ZNF655: variants seen among roughly 807,000 people sequenced by gnomAD.
ZNF655 encodes Vav-interacting Kruppel-like protein 1.
Under a neutral mutation model 6.6 loss-of-function variants are expected in ZNF655, and 3 were observed. The ratio of observed to expected loss-of-function variants is 0.46; its 90% CI spans 0.21 to 1.18. The LOEUF (loss-of-function observed/expected upper bound fraction) is 1.18. Ranked by LOEUF, ZNF655 falls within the 50% of genes most tolerant of loss-of-function variation. The pLI is 0.24. For synonymous variants in ZNF655, 178 were observed against 195.0 expected (o/e 0.91, Z 0.73); for missense variants, 526 against 572.3 (o/e 0.92, Z 0.83).
chr7:99,571,279 G>A (rs1459437362), intron 2 of ZNF655: 3 of 1,289,300 alleles, frequency 2.3e-6, no homozygotes, highest in Non-Finnish European at 3.0e-6. Context: ...CCATGCAGCA[G>A]GTGCTTGAGT....
chr7:99,564,381 C>T (rs996682633), intron 2 of ZNF655: 1 of 1,059,872 alleles, frequency 9.4e-7, no homozygotes, highest in Non-Finnish European at 1.1e-6. Context: ...GCCTAACTCT[C>T]CTGTGAACCC....
intron 1 of ZNF655, among the ~76,000 whole-genome samples, chr7:99,560,167 G>A (rs1803004347): frequency 6.7e-6 from 1 of 149,208 alleles, no homozygotes; most frequent in South Asian, 2.1e-4. Flanking sequence ...TCACTGCCAC[G>A]TATGCCTTCT....
chr7:99,565,403 T>C (rs763993067), intron 2 of ZNF655, among the ~76,000 whole-genome samples: 5 of 152,158 alleles, frequency 3.3e-5, no homozygotes, highest in Non-Finnish European at 7.4e-5. Context: ...TCTCCTGACC[T>C]CGTGATCCGC....
chr7:99,561,409 G>T (rs1385555402), intron 2 of ZNF655, among the ~76,000 whole-genome samples: 1 of 152,184 alleles, frequency 6.6e-6, no homozygotes, highest in Non-Finnish European at 1.5e-5. Context: ...CTGTGGAAAA[G>T]ATTTCGAGGA....
intron 1 of ZNF655, among the ~76,000 whole-genome samples, chr7:99,559,777 G>C (rs1340195020): frequency 1.3e-5 from 2 of 150,374 alleles, no homozygotes; most frequent in African/African-American, 4.9e-5. Flanking sequence ...ACAGGCCTGG[G>C]CCACCTAATT....
rs113457569 is a variant in ZNF655 at position 99,564,384 on chromosome 7, G to C, written c.136+3689G>C. 2.2e-5 allele frequency: 23 copies of C among 1,057,114 alleles called. No homozygotes were observed. The African/African-American group carries it at 2.4e-4, about 11-fold the overall frequency. 65.5% of individuals were successfully genotyped at this position (1,057,114 alleles called of 1,614,324 possible). On this transcript the variant is annotated intron_variant, in intron 2 of 2. Transcript: ENST00000252713. ...GCCCCGTATGGTGCCTAACTCTCCTGTGAACCCTGGGCTTCCCTCATGTTT... is the reference window on the plus strand; with the variant it reads ...GCCCCGTATGGTGCCTAACTCTCCTCTGAACCCTGGGCTTCCCTCATGTTT...
chr7:99,571,465 CCTT>C, intron 2 of ZNF655: 3 of 1,271,366 alleles, frequency 2.4e-6, no homozygotes, highest in Non-Finnish European at 3.0e-6. Context: ...TTAAATGAAT[CCTT>C]CTGCTCCCAA....
intron 2 of ZNF655, chr7:99,571,269 C>T: frequency 7.8e-7 from 1 of 1,289,354 alleles, no homozygotes; most frequent in African/African-American, 1.5e-5. Context: ...GGTTAGCTAA[C>T]CATGCAGCAG....
At chr7:99,564,492 T>G (rs1404514880) in intron 2 of ZNF655, 4 of 987,674 alleles carry the variant, frequency 4.0e-6, no homozygotes, top group Non-Finnish European at 4.8e-6. Context: ...TTTGTGGTTC[T>G]GTACAGATTG....
At chr7:99,569,380 C>G (rs2151164840) in intron 2 of ZNF655, among the ~76,000 whole-genome samples, 1 of 152,180 alleles carries the variant, frequency 6.6e-6, no homozygotes, top group African/African-American at 2.4e-5. Flanking sequence ...CACGTTCTTT[C>G]TGTGTGTAAT....
chr7:99,571,245 A>AT (rs1804048723), intron 2 of ZNF655: 2 of 1,288,802 alleles, frequency 1.6e-6, no homozygotes, highest in Non-Finnish European at 2.0e-6. Flanking sequence ...GTTTTCACTG[A>AT]TTCTCTTGCT....
intron 2 of ZNF655, among the ~76,000 whole-genome samples, chr7:99,567,738 G>A (rs1390687135): frequency 6.6e-6 from 1 of 151,966 alleles, no homozygotes; most frequent in Non-Finnish European, 1.5e-5. Flanking sequence ...TACCTTCTGG[G>A]TACAGGATTG....
Position 99,576,442 on chromosome 7 carries a change from G to A in ZNF655, c.*2858G>A, listed in dbSNP as rs1291594956. Reference sequence around the variant, plus strand: ...TTCCACTTGAATAAAGGTGTGTTTGGTATTCTGAGAATTTGTTTCAAACAA... The same window carrying A: ...TTCCACTTGAATAAAGGTGTGTTTGATATTCTGAGAATTTGTTTCAAACAA... On this transcript the variant is annotated 3_prime_UTR_variant, in exon 3 of 3. Transcript: ENST00000252713. 6.6e-6 allele frequency: 1 copy of A among 152,590 alleles called. No homozygotes were observed. The highest frequency in any genetic ancestry group is 1.5e-5 in the Non-Finnish European group (1 of 68,024). 9.5% of individuals were successfully genotyped at this position (152,590 alleles called of 1,614,324 possible).
chr7:99,567,905 A>G (rs1293021375), intron 2 of ZNF655, among the ~76,000 whole-genome samples: 1 of 151,068 alleles, frequency 6.6e-6, no homozygotes, highest in Non-Finnish European at 1.5e-5. Flanking sequence ...CTAAAAATAC[A>G]AAAATTAGCT....
Position 99,572,978 on chromosome 7 carries a change from A to C in ZNF655, c.870A>C (p.Ile290=). Residue 290 remains isoleucine, a synonymous_variant, in exon 3 of 3, where the codon ATA becomes ATC. Coordinates refer to ENST00000252713, the MANE Select transcript of ZNF655 (RefSeq NM_138494.3). ...AATCCTGTAGTCCAAGCTCAGGCAT[A>C]ATTCAGCATAAGAAAATTCACACCA... ...SDKSCSPSSG[I]IQHKKIHTRA... is the part of the protein sequence containing the mutation. The C allele has an allele frequency of 1.2e-6, 2 of 1,614,194 alleles. No individual in the cohort carries two copies.
At chr7:99,563,771 G>A (rs1803401045) in intron 2 of ZNF655, 4 of 1,472,266 alleles carry the variant, frequency 2.7e-6, no homozygotes, top group Non-Finnish European at 3.7e-6. Flanking sequence ...ATTATGCTCA[G>A]GATTCAAGGT....
intron 2 of ZNF655, chr7:99,571,486 A>G (rs1804065252): frequency 7.9e-7 from 1 of 1,268,508 alleles, no homozygotes; most frequent in African/African-American, 1.5e-5. Context: ...CAAGTCATCA[A>G]CTTGCCCCTT....
chr7:99,566,047 A>G (rs1403811521), intron 2 of ZNF655, among the ~76,000 whole-genome samples: 1 of 139,990 alleles, frequency 7.1e-6, no homozygotes, highest in Non-Finnish European at 1.5e-5. Flanking sequence ...GTGTGTATAT[A>G]TATATATAAA....
At chr7:99,562,263 C>A in intron 2 of ZNF655, 1 of 1,436,408 alleles carries the variant, frequency 7.0e-7, no homozygotes, top group South Asian at 1.4e-5. Flanking sequence ...TCTCCCTCCT[C>A]CTCAACGTAA....
Sources: gnomAD v4.1 joint callset for allele counts (sites outside exome capture counted in the v4.1 genomes callset) on GRCh38, gnomAD v4.1.1 for gene constraint, MANE v1.5 for transcripts, NCBI Gene and HGNC (gene_info 2026-07-23, HGNC 2026-07-21) for gene names.